The following PIGS variants were observed in gnomAD, a reference collection of about 807,000 sequenced individuals.
PIGS encodes phosphatidylinositol glycan anchor biosynthesis class S, also known as GPI-anchor transamidase component PIGS.
Under a neutral mutation model 58.2 loss-of-function variants are expected in PIGS, and 37 were observed. The ratio of observed to expected loss-of-function variants is 0.64; its 90% CI spans 0.49 to 0.84. The LOEUF is 0.84. Ranked by LOEUF, PIGS falls within the 40% of genes least tolerant of loss-of-function variation. The pLI is 0.00. For missense variants in PIGS, 629 were observed against 710.8 expected (o/e 0.88, Z 1.31); for synonymous variants, 269 against 289.2 (o/e 0.93, Z 0.71).
chr17:28,571,403 C>T, intron 1 of PIGS, 60 bp downstream of exon 1: 1 of 1,591,112 alleles, frequency 6.3e-7, no homozygotes, highest in Non-Finnish European at 8.6e-7. Context: ...AATCCCCACC[C>T]CTGCTATTCC....
In PIGS at chr17:28,559,122, G is replaced by A. The variant is rs377711922; in HGVS notation, c.820-532C>T. Among the ~76,000 whole-genome samples the A allele has an allele frequency of 2.2e-3, 338 of 152,036 alleles. 1 individual carries two copies. Among genetic ancestry groups the A allele is most frequent in the African/African-American group, 8.1e-3 (335 of 41,502 alleles). On this transcript the variant is annotated intron_variant, in intron 7 of 11. Transcript: ENST00000308360. Reference sequence around the variant, plus strand: ...AGCCTCCCGAGTAGCTGGGACTAAAGGTACGCGCCACCATGCCCAGCTAAT... The same window carrying A: ...AGCCTCCCGAGTAGCTGGGACTAAAAGTACGCGCCACCATGCCCAGCTAAT...
At chr17:28,559,350 C>T (rs138695093) in intron 7 of PIGS, among the ~76,000 whole-genome samples, 162 of 151,926 alleles carry the variant, frequency 1.1e-3, no homozygotes, top group Non-Finnish European at 2.0e-3. Flanking sequence ...TTAAGAATGG[C>T]TCTGCTGGGC....
In PIGS at chr17:28,571,169, G is replaced by A; in HGVS notation, c.54C>T (p.Arg18=). 6.2e-7 allele frequency: 1 copy of A among 1,613,358 alleles called. No homozygotes were observed. Among genetic ancestry groups the A allele is most frequent in the Non-Finnish European group, 8.5e-7 (1 of 1,179,962 alleles). Residue 18 remains arginine, a synonymous_variant, in exon 2 of 12, where the codon CGC becomes CGT. Coordinates refer to ENST00000308360, the MANE Select transcript of PIGS (RefSeq NM_033198.4). ...ATHLEVARGK[R]AALFFAAVAI... The stretch of plus-strand genomic sequence containing the variant: ...CCACCGCAGCGAAGAAGAGGGCGGC[G>A]CGCTTGCCCCGGGCCACCTCTGAGG...
chr17:28,563,697 T>A, intron 4 of PIGS, 121 bp downstream of exon 4: 1 of 1,275,128 alleles, frequency 7.8e-7, no homozygotes, highest in Non-Finnish European at 1.1e-6. Context: ...CCACAGTTCC[T>A]CATTCCCAGC....
chr17:28,568,130 G>A (rs186038064), intron 3 of PIGS, among the ~76,000 whole-genome samples: 9 of 149,334 alleles, frequency 6.0e-5, no homozygotes, highest in Admixed American at 6.0e-4. Context: ...TTTTTGAGAT[G>A]GAGTCTTTGT....
Position 28,554,348 on chromosome 17 carries a change from G to A in PIGS, c.1540C>T (p.Pro514Ser), listed in dbSNP as rs1295007538. 1 of 1,614,154 alleles carries A rather than the reference G, an allele frequency of 6.2e-7. No individual in the cohort carries two copies. The highest frequency in any genetic ancestry group is 2.2e-5 in the East Asian group (1 of 44,878). ...TAGATGGCAAACTTCTGGTCATCAGGGAAATAAAGGAGGTGGAGGAGTGAC... is the reference window on the plus strand; with the variant it reads ...TAGATGGCAAACTTCTGGTCATCAGAGAAATAAAGGAGGTGGAGGAGTGAC... ...DPSLLHLLYF[P>S]DDQKFAIYIP... Residue 514 changes from proline to serine, a missense_variant, in exon 12 of 12, where the codon CCT becomes TCT. Physicochemically the swap from Pro to Ser is moderately conservative, Grantham distance 74. Transcript: ENST00000308360.
At chr17:28,555,968 CA>C (rs903600475) in intron 10 of PIGS, 197 bp downstream of exon 10, 7,150 of 447,492 alleles carry the variant, frequency 0.016, no homozygotes, top group Middle Eastern at 0.025. Flanking sequence ...GACTCCGTCT[CA>C]AAAAAAAAAA....
chr17:28,554,754 A>T, intron 11 of PIGS, 97 bp downstream of exon 11: 1 of 1,492,916 alleles, frequency 6.7e-7, no homozygotes, highest in Non-Finnish European at 9.3e-7. Context: ...AAGCCCACAC[A>T]TACCATGGAC....
At chr17:28,560,284 T>C (rs2070355671) in intron 6 of PIGS, 93 bp from the exon 7 acceptor site, 3 of 1,435,456 alleles carry the variant, frequency 2.1e-6, no homozygotes, top group African/African-American at 2.9e-5. Context: ...TTGTTTCTCC[T>C]CTGGAATGGG....
chr17:28,554,854 A>G lies in PIGS; in HGVS notation c.1389T>C (p.Ser463=). The G allele has an allele frequency of 6.2e-7, 1 of 1,614,122 alleles. No individual in the cohort carries two copies. The highest frequency in any genetic ancestry group is 8.5e-7 in the Non-Finnish European group (1 of 1,180,022). The change falls in exon 11 of 12, where the codon TCT becomes TCC. Residue 463 remains serine, a synonymous_variant. Transcript: ENST00000308360. The stretch of plus-strand genomic sequence containing the variant: ...AATCCATCCCCTGCCTGCTTACCTC[A>G]GATGCCACGTCGTCCTTAATGACAA... The part of the protein sequence containing the change: ...SNIVIKDDVA[S]EVYKAVAAVQ...
rs747214484 is a variant in PIGS at position 28,561,455 on chromosome 17, C to T, written c.643G>A (p.Ala215Thr). The change falls in exon 6 of 12, where the codon GCT (alanine) becomes ACT (threonine). Residue 215 changes from alanine (A) to threonine (T), a missense_variant. Physicochemically the swap from Ala to Thr is moderately conservative, Grantham distance 58. Coordinates refer to ENST00000308360, the MANE Select transcript of PIGS (RefSeq NM_033198.4). ...GACTTGAGAGGCCGCCTCTTCTCAG[C>T]GCTCCACTTGTCCTCTGGAAGGTGG... Reference protein sequence around the residue: ...ADHLPEDKWSAEKRRPLKSSL... With the variant: ...ADHLPEDKWSTEKRRPLKSSL... The T allele has an allele frequency of 2.2e-5, 35 of 1,613,870 alleles. No individual in the cohort carries two copies. The highest frequency in any genetic ancestry group is 1.5e-4 in the South Asian group (14 of 91,068).
Position 28,561,570 on chromosome 17 carries a change from C to G in PIGS, c.528G>C (p.Arg176=), listed in dbSNP as rs1302936934. The change falls in exon 6 of 12, where the codon CGG becomes CGC. Residue 176 remains arginine, a synonymous_variant. Transcript: ENST00000308360. ...GGCGGCCAATGATGTTAAAGGCCTCCCGGTGCATTATCCCCCGCACCACTG... is the reference window on the plus strand; with the variant it reads ...GGCGGCCAATGATGTTAAAGGCCTCGCGGTGCATTATCCCCCGCACCACTG... ...RTAVVRGIMH[R]EAFNIIGRRI... is the part of the protein sequence containing the mutation. The G allele has an allele frequency of 4.3e-6, 7 of 1,613,674 alleles. No homozygotes were observed. Among genetic ancestry groups the G allele is most frequent in the Non-Finnish European group, 5.9e-6 (7 of 1,179,874 alleles).
chr17:28,554,616 A>T, intron 11 of PIGS, 121 bp from the exon 12 acceptor site: 1 of 1,332,192 alleles, frequency 7.5e-7, no homozygotes, highest in Non-Finnish European at 1.0e-6. Context: ...TCCAGGATCT[A>T]TGGAAGTCTT....
At position 28,554,907 on chromosome 17, in the gene PIGS, C is replaced by T. The variant is rs759794180; in HGVS notation, c.1336G>A (p.Ala446Thr). The T allele has an allele frequency of 6.2e-7, 1 of 1,614,112 alleles. No homozygotes were observed. The highest frequency in any genetic ancestry group is 1.1e-5 in the South Asian group (1 of 91,086). The change falls in exon 11 of 12, where the codon GCG becomes ACG. Residue 446 changes from alanine to threonine, a missense_variant. Physicochemically the swap from Ala to Thr is moderately conservative, Grantham distance 58. Transcript: ENST00000308360. ...ATATTTLTSL[A>T]QLLGKISNIV... is the part of the protein sequence containing the mutation. ...TTGCTGATCTTGCCCAGAAGCTGCG[C>T]CAGGGAGGTAAGGGTGGTGGTGGCT...
chr17:28,570,105 T>A (rs1366570487), intron 3 of PIGS, among the ~76,000 whole-genome samples: 1 of 152,246 alleles, frequency 6.6e-6, no homozygotes, highest in Non-Finnish European at 1.5e-5. Context: ...TACTGTAATT[T>A]ATTTTATCTT....
In PIGS at chr17:28,554,913, AGGTAAGGGT is replaced by A. The variant is rs780206325; in HGVS notation, c.1321_1329del (p.Thr441_Thr443del). The A allele has an allele frequency of 6.2e-7, 1 of 1,613,966 alleles. No individual in the cohort carries two copies. The highest frequency in any genetic ancestry group is 8.5e-7 in the Non-Finnish European group (1 of 1,179,982). On this transcript the variant is annotated inframe_deletion, in exon 11 of 12. Transcript: ENST00000308360. ...ATCTTGCCCAGAAGCTGCGCCAGGG[AGGTAAGGGT>A]GGTGGTGGCTGTGGCCAGGTTCTCC...
At position 28,556,265 on chromosome 17, in the gene PIGS, A is replaced by G; in HGVS notation, c.1082T>C (p.Val361Ala). ...FHSPRWGGIM[V>A]YNVDSKTYNA... is the part of the protein sequence containing the mutation. ...ATAGGTTTTGGAGTCAACATTATATACCTGAAAGGGGGAATGAGATTGCCA... is the reference window on the plus strand; with the variant it reads ...ATAGGTTTTGGAGTCAACATTATATGCCTGAAAGGGGGAATGAGATTGCCA... The change falls in exon 10 of 12, where the codon GTA becomes GCA. Residue 361 changes from valine to alanine, a missense_variant and splice_region_variant. Val to Ala is a moderately conservative substitution (Grantham distance 64). Coordinates refer to ENST00000308360, the MANE Select transcript of PIGS (RefSeq NM_033198.4). 14 of 1,601,346 alleles carry G rather than the reference A, an allele frequency of 8.7e-6. No homozygotes were observed. Among genetic ancestry groups the G allele is most frequent in the Non-Finnish European group, 1.2e-5 (14 of 1,168,328 alleles).
In PIGS at chr17:28,561,855, C is replaced by A. The variant is rs537997809; in HGVS notation, c.469-226G>T. Reference sequence around the variant, plus strand: ...TTTTCCCAGTTGACATGGGTCCAGGCAGCATCTAACTCTTCAGGGGCTGGT... The same window carrying A: ...TTTTCCCAGTTGACATGGGTCCAGGAAGCATCTAACTCTTCAGGGGCTGGT... On this transcript the variant is annotated intron_variant, in intron 5 of 11. Coordinates refer to ENST00000308360, the MANE Select transcript of PIGS (RefSeq NM_033198.4). The A allele has an allele frequency of 6.1e-6, 3 of 489,654 alleles. No individual in the cohort carries two copies. The Admixed American group carries it at 1.2e-4, about 19-fold the overall frequency. 30.3% of individuals were successfully genotyped at this position (489,654 alleles called of 1,614,324 possible).
At chr17:28,556,103 C>T in intron 10 of PIGS, 63 bp downstream of exon 10, 1 of 1,477,428 alleles carries the variant, frequency 6.8e-7, no homozygotes, top group Non-Finnish European at 9.5e-7. Context: ...CTTGATTCCA[C>T]TTTGCAACTC....
Sources: allele counts gnomAD v4.1 joint callset (sites outside exome capture counted in the v4.1 genomes callset), GRCh38; gene constraint gnomAD v4.1.1; transcripts MANE v1.5; gene names NCBI Gene and HGNC (gene_info 2026-07-23, HGNC 2026-07-21).